The following PRKCE variants were observed in gnomAD, a reference collection of about 807,000 sequenced individuals.
PRKCE encodes protein kinase C epsilon type.
PRKCE carries 16 observed loss-of-function variants against 85.4 expected under a neutral mutation model. The observed-to-expected ratio is 0.19, with a 90% CI of 0.13 to 0.28. The LOEUF is 0.28. PRKCE is among the 10% of genes least tolerant of loss of function. The probability of loss-of-function intolerance (pLI) is 1.00; values close to 1 mark genes in which losing one functional copy is unlikely to be tolerated. For synonymous variants in PRKCE, 388 were observed against 371.5 expected (o/e 1.04, Z -0.51); for missense variants, 573 against 975.2 (o/e 0.59, Z 5.49).
At chr2:45,696,008 T>A in intron 1 of PRKCE, among the ~76,000 whole-genome samples, 1 of 152,116 alleles carries the variant, frequency 6.6e-6, no homozygotes, top group Admixed American at 6.5e-5. Flanking sequence ...GTTACATATG[T>A]ATACATGTGC....
chr2:45,678,601 C>T (rs891970425), intron 1 of PRKCE, among the ~76,000 whole-genome samples: 6 of 151,994 alleles, frequency 3.9e-5, no homozygotes, highest in East Asian at 1.9e-4. Context: ...AGAAGGCAAA[C>T]GACTCTATTT....
intron 6 of PRKCE, among the ~76,000 whole-genome samples, 167 bp downstream of exon 6, chr2:45,984,847 ACT>A (rs1703183517): frequency 6.6e-6 from 1 of 152,070 alleles, no homozygotes; most frequent in Non-Finnish European, 1.5e-5. Flanking sequence ...TGGTAGGCAG[ACT>A]CTGGGCAGAG....
At chr2:45,669,914 G>A (rs1271535670) in intron 1 of PRKCE, among the ~76,000 whole-genome samples, 3 of 152,168 alleles carry the variant, frequency 2.0e-5, no homozygotes, top group Non-Finnish European at 4.4e-5. Context: ...TGGGGGCTGA[G>A]GCACGAGAAT....
intron 2 of PRKCE, among the ~76,000 whole-genome samples, chr2:45,947,218 A>G (rs1160409830): frequency 6.6e-6 from 1 of 152,254 alleles, no homozygotes; most frequent in Admixed American, 6.5e-5. Flanking sequence ...GCCAGTTGCA[A>G]AAGACCACAT....
intron 1 of PRKCE, among the ~76,000 whole-genome samples, chr2:45,661,506 G>GTT (rs1558533835): frequency 9.3e-6 from 1 of 107,430 alleles, no homozygotes; most frequent in African/African-American, 3.3e-5. Context: ...AGTTTTTTTT[G>GTT]TTTTGTTTTG....
chr2:45,986,224 C>G (rs1197698039), intron 6 of PRKCE, among the ~76,000 whole-genome samples: 1 of 152,230 alleles, frequency 6.6e-6, no homozygotes, highest in African/African-American at 2.4e-5. Context: ...GATTTAACAA[C>G]AAGGAGGTCA....
chr2:45,921,802 C>G (rs1300056188), intron 2 of PRKCE, among the ~76,000 whole-genome samples: 3 of 152,096 alleles, frequency 2.0e-5, no homozygotes, highest in African/African-American at 7.2e-5. Context: ...TGGTGTGATG[C>G]CTGCTGTCAT....
chr2:45,664,014 A>C (rs1325804611), intron 1 of PRKCE, among the ~76,000 whole-genome samples: 2 of 152,236 alleles, frequency 1.3e-5, no homozygotes, highest in Non-Finnish European at 1.5e-5. Flanking sequence ...ACATATATTG[A>C]GTACTTTCTA....
intron 2 of PRKCE, among the ~76,000 whole-genome samples, chr2:45,920,315 C>T (rs113501228): frequency 6.6e-6 from 1 of 152,198 alleles, no homozygotes; most frequent in Non-Finnish European, 1.5e-5. Context: ...TAACCCAATA[C>T]AGGACTATAA....
At chr2:46,062,764 C>G (rs1054248477) in intron 10 of PRKCE, among the ~76,000 whole-genome samples, 7 of 150,038 alleles carry the variant, frequency 4.7e-5, no homozygotes, top group African/African-American at 1.7e-4. Flanking sequence ...ACCTCCGCCT[C>G]CGGGGTTCAA....
At chr2:45,664,012 T>C (rs1180510569) in intron 1 of PRKCE, among the ~76,000 whole-genome samples, 1 of 152,238 alleles carries the variant, frequency 6.6e-6, no homozygotes, top group African/African-American at 2.4e-5. Flanking sequence ...AAACATATAT[T>C]GAGTACTTTC....
At chr2:46,104,730 T>C (rs1416296597) in intron 11 of PRKCE, among the ~76,000 whole-genome samples, 1 of 152,200 alleles carries the variant, frequency 6.6e-6, no homozygotes, top group Non-Finnish European at 1.5e-5. Context: ...AGTCCTTTAC[T>C]AGCAAGGTAC....
intron 14 of PRKCE, among the ~76,000 whole-genome samples, chr2:46,169,201 TGGG>T (rs1424987782): frequency 6.6e-6 from 1 of 152,180 alleles, no homozygotes; most frequent in African/African-American, 2.4e-5. Context: ...GTTTTGCACT[TGGG>T]GGATCAGTGC....
chr2:45,767,256 A>C (rs1313193022), intron 1 of PRKCE, among the ~76,000 whole-genome samples: 4 of 152,052 alleles, frequency 2.6e-5, no homozygotes, highest in Non-Finnish European at 5.9e-5. Context: ...AACTTAATAC[A>C]TTGATGTTCT....
At chr2:45,764,376 A>G (rs915802576) in intron 1 of PRKCE, among the ~76,000 whole-genome samples, 3 of 152,232 alleles carry the variant, frequency 2.0e-5, no homozygotes, top group African/African-American at 7.2e-5. Flanking sequence ...TCAAAGAAAG[A>G]AATGGTTATG....
At chr2:46,002,302 C>G (rs1172125424) in intron 7 of PRKCE, among the ~76,000 whole-genome samples, 1 of 152,196 alleles carries the variant, frequency 6.6e-6, no homozygotes, top group African/African-American at 2.4e-5. Context: ...GGCAGAAAAT[C>G]CGGGTGAAGG....
At chr2:45,856,494 G>A (rs892839101) in intron 2 of PRKCE, among the ~76,000 whole-genome samples, 1 of 152,212 alleles carries the variant, frequency 6.6e-6, no homozygotes, top group African/African-American at 2.4e-5. Flanking sequence ...GCCTCCCAGA[G>A]TTCTTGGATT....
At position 45,652,006 on chromosome 2, in the gene PRKCE, A is replaced by G. The variant is rs1675148922; in HGVS notation, c.-95A>G. 1 of 989,138 alleles carries G rather than the reference A, an allele frequency of 1.0e-6. No individual in the cohort carries two copies. Among genetic ancestry groups the G allele is most frequent in the Non-Finnish European group, 1.5e-6 (1 of 658,002 alleles). The allele number at this position is 989,138 out of a possible 1,614,324, so 61.3% of individuals were successfully genotyped here. A position where few individuals can be genotyped will look rare whatever the true frequency, so the allele number is the denominator to read the frequency against. ...GCGGGGTGGGGCGAAAGGGGACCCA[A>G]GAGTCCCTGTGGCTCGGAGTGCCGG... On this transcript the variant is annotated 5_prime_UTR_variant, in exon 1 of 15. Transcript: ENST00000306156. The surrounding 1 kb of genome is among the most constrained non-coding windows in gnomAD (Gnocchi z 7.7).
intron 2 of PRKCE, among the ~76,000 whole-genome samples, chr2:45,941,636 C>T (rs758292649): frequency 1.1e-4 from 16 of 152,078 alleles, no homozygotes; most frequent in Admixed American, 6.6e-5. Flanking sequence ...AGCACAATTC[C>T]ATCTGTTGAG....
Sources: gnomAD v4.1 joint callset for allele counts (sites outside exome capture counted in the v4.1 genomes callset) on GRCh38, gnomAD v4.1.1 for gene constraint, Gnocchi (gnomAD v3.1) non-coding constraint, MANE v1.5 for transcripts, NCBI Gene and HGNC (gene_info 2026-07-23, HGNC 2026-07-21) for gene names.